The following SECISBP2 variants were observed in gnomAD, a reference collection of about 807,000 sequenced individuals.
SECISBP2 encodes the protein selenocysteine insertion sequence-binding protein 2.
Under a neutral mutation model 98.2 loss-of-function variants are expected in SECISBP2, and 96 were observed. That is an observed-to-expected ratio of 0.98 (90% CI 0.83 to 1.16). The LOEUF (loss-of-function observed/expected upper bound fraction) is 1.16, where lower values mean the gene tolerates loss of function less well. SECISBP2 is among the 50% of genes most tolerant of loss of function. The pLI is 0.00. For synonymous variants in SECISBP2, 407 were observed against 370.2 expected (o/e 1.10, Z -1.14); for missense variants, 1,046 against 1,022.9 (o/e 1.02, Z -0.31).
At position 89,319,802 on chromosome 9, in the gene SECISBP2, G is replaced by GT; in HGVS notation, c.182+6dup. 6.2e-7 allele frequency: 1 copy of GT among 1,613,808 alleles called. No individual in the cohort carries two copies. Among genetic ancestry groups the GT allele is most frequent in the Non-Finnish European group, 8.5e-7 (1 of 1,179,928 alleles). The stretch of plus-strand genomic sequence containing the variant: ...TCAGGAACCACCAGTGACAGAGTAT[G>GT]TATCTTTCTAAAAGTCTTACCTAGG... On this transcript the variant is annotated splice_donor_region_variant and intron_variant, in intron 2 of 16. Coordinates refer to ENST00000375807, the MANE Select transcript of SECISBP2 (RefSeq NM_024077.5).
At chr9:89,326,472 C>T (rs1043144309) in intron 4 of SECISBP2, among the ~76,000 whole-genome samples, 1 of 152,232 alleles carries the variant, frequency 6.6e-6, no homozygotes, top group Non-Finnish European at 1.5e-5. Flanking sequence ...ATGCTACCTG[C>T]TTCCCTCTAG....
chr9:89,359,058 G>C lies in SECISBP2; in HGVS notation c.*234G>C, dbSNP rs1832540479. 5.5e-6 allele frequency: 3 copies of C among 542,818 alleles called. No homozygotes were observed. The Admixed American group carries it at 9.3e-5, about 17-fold the overall frequency. The allele number at this position is 542,818 out of a possible 1,614,324, so 33.6% of individuals were successfully genotyped here. On this transcript the variant is annotated 3_prime_UTR_variant, in exon 17 of 17. Transcript: ENST00000375807. Reference sequence around the variant, plus strand: ...TCTTCTCTAAAAGCCTGGTGATACAGCTCTGGCTTTCTGAGCACACTACGG... The same window carrying C: ...TCTTCTCTAAAAGCCTGGTGATACACCTCTGGCTTTCTGAGCACACTACGG...
In SECISBP2 at chr9:89,328,688, A is replaced by G. The variant is rs1011916389; in HGVS notation, c.603A>G (p.Lys201=). The G allele has an allele frequency of 1.8e-5, 29 of 1,614,044 alleles. No individual in the cohort carries two copies. Among genetic ancestry groups the G allele is most frequent in the Admixed American group, 3.3e-5 (2 of 60,006 alleles). ...GTTACCATAAGCGAACAGACAGGAAATCCAGAATCATTGCAAAAAATGTAT... is the reference window on the plus strand; with the variant it reads ...GTTACCATAAGCGAACAGACAGGAAGTCCAGAATCATTGCAAAAAATGTAT... ...SDGYHKRTDR[K]SRIIAKNVST... is the part of the protein sequence containing the mutation. Residue 201 remains lysine, a synonymous_variant, in exon 5 of 17, where the codon AAA becomes AAG. Coordinates refer to ENST00000375807, the MANE Select transcript of SECISBP2 (RefSeq NM_024077.5).
At chr9:89,346,724 A>G (rs1259745875) in intron 10 of SECISBP2, among the ~76,000 whole-genome samples, 158 bp from the exon 11 acceptor site, 1 of 142,796 alleles carries the variant, frequency 7.0e-6, no homozygotes, top group South Asian at 2.3e-4. Flanking sequence ...TGTGTAAGAG[A>G]TTGTTCTCAA....
downstream of SECISBP2, chr9:89,364,035 T>C (rs181584666): frequency 2.2e-4 from 357 of 1,610,980 alleles, 2 homozygotes; most frequent in African/African-American, 4.3e-3. Context: ...GGGTTACCTC[T>C]GCTGTCCCAG....
chr9:89,338,311 T>TA (rs772506429), intron 7 of SECISBP2, 147 bp from the exon 8 acceptor site: 6 of 961,042 alleles, frequency 6.2e-6, no homozygotes, highest in Non-Finnish European at 9.3e-6. Context: ...GCTGGCTTTT[T>TA]AAAAAACAGG....
At chr9:89,319,107 A>G (rs1413768597) in intron 1 of SECISBP2, 5 of 924,054 alleles carry the variant, frequency 5.4e-6, no homozygotes, top group Non-Finnish European at 6.5e-6. Context: ...AAAGAAAGAA[A>G]TCTTAGTGAA....
At chr9:89,363,539 G>A (rs2132214283), downstream of SECISBP2, 1 of 1,613,858 alleles carries the variant, frequency 6.2e-7, no homozygotes, top group East Asian at 2.2e-5. Context: ...TGGAAAACAA[G>A]CAGGGTCCCC....
chr9:89,365,093 A>T, the SECISBP2 span: 1 of 152,238 alleles, frequency 6.6e-6, no homozygotes, highest in African/African-American at 2.4e-5. Context: ...AAAAACAAGC[A>T]CATCCATTTT....
intron 2 of SECISBP2, chr9:89,324,253 G>GT (rs1826302766): frequency 6.6e-6 from 1 of 152,244 alleles, no homozygotes; most frequent in African/African-American, 2.4e-5. Context: ...CCTCAGTGCT[G>GT]TATGTTTGGA....
chr9:89,360,851 C>G (rs905218840), downstream of SECISBP2: 1 of 152,200 alleles, frequency 6.6e-6, no homozygotes, highest in Non-Finnish European at 1.5e-5. Flanking sequence ...GAAATTCATC[C>G]TCATAACTCC....
intron 5 of SECISBP2, among the ~76,000 whole-genome samples, chr9:89,332,336 G>T (rs191695429): frequency 6.6e-6 from 1 of 152,144 alleles, no homozygotes; most frequent in East Asian, 1.9e-4. Context: ...CACCCAAAGC[G>T]CATCGTTTGC....
At position 89,325,447 on chromosome 9, in the gene SECISBP2, A is replaced by G. The variant is rs1210648651; in HGVS notation, c.203A>G (p.Asp68Gly). 6.2e-7 allele frequency: 1 copy of G among 1,614,036 alleles called. No homozygotes were observed. The highest frequency in any genetic ancestry group is 8.5e-7 in the Non-Finnish European group (1 of 1,179,924). Residue 68 changes from aspartate (D) to glycine (G), a missense_variant, in exon 3 of 17, where the codon GAC becomes GGC. By Grantham distance (94) the Asp-to-Gly change is moderately conservative. Transcript: ENST00000375807. ...PVTEQKIYTE[D>G]MAFGASTFPP... ...CTTAGGCAGAAAATATATACTGAAG[A>G]CATGGCCTTTGGAGCTTCAACTTTT...
intron 11 of SECISBP2, among the ~76,000 whole-genome samples, chr9:89,347,463 T>C (rs11535668): frequency 0.21 from 28,781 of 138,588 alleles, 3,482 homozygotes; most frequent in East Asian, 0.32. Context: ...CTCCGGTGAA[T>C]TCTTTTTTTT....
chr9:89,352,259 C>G (rs745379212), intron 14 of SECISBP2, among the ~76,000 whole-genome samples: 51 of 152,212 alleles, frequency 3.4e-4, no homozygotes, highest in Non-Finnish European at 5.4e-4. Flanking sequence ...TCTGCAGTTT[C>G]ATCTGCTGAA....
At chr9:89,337,492 C>T (rs142716315) in intron 7 of SECISBP2, among the ~76,000 whole-genome samples, 212 of 152,312 alleles carry the variant, frequency 1.4e-3, no homozygotes, top group African/African-American at 4.9e-3. Context: ...CTGCCTCAGA[C>T]TCATGAAAAT....
At chr9:89,346,850 G>T in intron 10 of SECISBP2, 32 bp from the exon 11 acceptor site, 2 of 1,613,346 alleles carry the variant, frequency 1.2e-6, no homozygotes, top group South Asian at 2.2e-5. Context: ...TCTGGGAGGT[G>T]ACCGTGAGGG....
chr9:89,326,465 C>G (rs1248991180), intron 4 of SECISBP2, among the ~76,000 whole-genome samples: 1 of 152,184 alleles, frequency 6.6e-6, no homozygotes, highest in East Asian at 1.9e-4. Context: ...GCGTTTTATG[C>G]TACCTGCTTC....
chr9:89,320,095 G>C (rs967508589), intron 2 of SECISBP2, among the ~76,000 whole-genome samples: 1 of 152,050 alleles, frequency 6.6e-6, no homozygotes, highest in African/African-American at 2.4e-5. Context: ...TGTGGCTCAC[G>C]CCTGTAATCC....
Sources: gnomAD v4.1 joint callset for allele counts (sites outside exome capture counted in the v4.1 genomes callset) on GRCh38, gnomAD v4.1.1 for gene constraint, MANE v1.5 for transcripts, NCBI Gene and HGNC (gene_info 2026-07-23, HGNC 2026-07-21) for gene names.